Variants in COBL observed in about 807,000 individuals in gnomAD.
COBL encodes cordon-bleu WH2 repeat protein, also known as protein cordon-bleu.
A neutral mutation model predicts 98.8 loss-of-function variants in COBL; 51 were observed. The ratio of observed to expected loss-of-function variants is 0.52; its 90% confidence interval spans 0.41 to 0.65. The LOEUF (loss-of-function observed/expected upper bound fraction) is 0.65, where lower values mean the gene tolerates loss of function less well. Among genes scored for constraint, COBL ranks in the 30% least tolerant of loss-of-function variants. The probability of loss-of-function intolerance (pLI) is 0.00; values close to 1 mark genes in which losing one functional copy is unlikely to be tolerated. For missense variants in COBL, 1,617 were observed against 1,617.5 expected (o/e 1.00, Z 0.01); for synonymous variants, 634 against 651.7 (o/e 0.97, Z 0.41).
chr7:51,147,358 T>G (rs1202840911), intron 5 of COBL, among the ~76,000 whole-genome samples: 1 of 152,206 alleles, frequency 6.6e-6, no homozygotes, highest in Non-Finnish European at 1.5e-5. Flanking sequence ...AATTTAATTT[T>G]CTCAGCAAGG....
chr7:51,310,513 T>C (rs890315698), intron 1 of COBL, among the ~76,000 whole-genome samples: 1 of 152,096 alleles, frequency 6.6e-6, no homozygotes, highest in Non-Finnish European at 1.5e-5. Context: ...TGGAGAGAGG[T>C]GGGAGCATCT....
At chr7:51,103,765 A>G (rs1029157461) in intron 6 of COBL, among the ~76,000 whole-genome samples, 1 of 152,362 alleles carries the variant, frequency 6.6e-6, no homozygotes, top group African/African-American at 2.4e-5. Flanking sequence ...TTCACTAACT[A>G]AAGTATAAAG....
rs542325631 is a variant in COBL at position 51,275,860 on chromosome 7, T to C, written c.41+40733A>G. ...GTTTCCACAGCCTGATTAGGGGCTG[T>C]AGGCCTCTCTCTCCCCTGCTTGTTT... On this transcript the variant is annotated intron_variant, in intron 1 of 12. Transcript: ENST00000265136. 4.4e-4 allele frequency among the ~76,000 whole-genome samples: 67 copies of C among 152,358 alleles called. 2 individuals carry two copies. In the South Asian group the frequency reaches 0.013, roughly 31 times the overall value.
At position 51,193,411 on chromosome 7, in the gene COBL, T is replaced by G. The variant is rs781623832; in HGVS notation, c.424A>C (p.Lys142Gln). Residue 142 changes from lysine (K) to glutamine (Q), a missense_variant, in exon 3 of 13, where the codon AAG becomes CAG. Lys to Gln is a moderately conservative substitution (Grantham distance 53). Coordinates refer to ENST00000265136, the MANE Select transcript of COBL (RefSeq NM_015198.5). ...VFLKEKVPEE[K>Q]VKPGPPKVPE... Reference sequence around the variant, plus strand: ...ACCTTAGGGGGACCAGGCTTAACCTTCTCTTCAGGAACTTTTTCTTTCAGA... The same window carrying G: ...ACCTTAGGGGGACCAGGCTTAACCTGCTCTTCAGGAACTTTTTCTTTCAGA... 6.2e-7 allele frequency: 1 copy of G among 1,614,158 alleles called. No individual in the cohort carries two copies. Among genetic ancestry groups the G allele is most frequent in the Admixed American group, 1.7e-5 (1 of 60,020 alleles).
In COBL at chr7:51,136,204, G is replaced by A. The variant is rs1799222432; in HGVS notation, c.911C>T (p.Pro304Leu). 5 of 1,613,136 alleles carry A rather than the reference G, an allele frequency of 3.1e-6. No individual in the cohort carries two copies. The highest frequency in any genetic ancestry group is 3.4e-6 in the Non-Finnish European group (4 of 1,180,032). ...KSEMKKRRAP[P>L]PPGSGPPVQD... ...CACAGGTGGCCCTGAACCTGGAGGA[G>A]GAGGGGCTCGGCGCTTCTTCATCTC... Residue 304 changes from proline to leucine, a missense_variant, in exon 6 of 13, where the codon CCT becomes CTT. Pro to Leu is a moderately conservative substitution (Grantham distance 98). Transcript: ENST00000265136.
Position 51,190,965 on chromosome 7 carries a change from G to A in COBL, c.570C>T (p.Val190=), listed in dbSNP as rs763974314. 5 of 1,614,134 alleles carry A rather than the reference G, an allele frequency of 3.1e-6. No individual in the cohort carries two copies. The highest frequency in any genetic ancestry group is 1.1e-5 in the South Asian group (1 of 91,050). Residue 190 remains valine (V), a synonymous_variant, in exon 4 of 13, where the codon GTC becomes GTT. Coordinates refer to ENST00000265136, the MANE Select transcript of COBL (RefSeq NM_015198.5). ...ILPVICAKCE[V]SPEHVVLLRD... ...TGAGGAGAACCACGTGCTCTGGGCT[G>A]ACCTCACACTTTGCACAAATGACTG... is the stretch of plus-strand genomic sequence containing the variant.
chr7:51,069,830 C>A lies in COBL; in HGVS notation c.1096+15336G>T, dbSNP rs554241908. On this transcript the variant is annotated intron_variant, in intron 7 of 12. Transcript: ENST00000265136. ...GAAAGTATGATAGATACTGACTATT[C>A]CATTTGCGTTTGGGTTTTATGTTTT... Among the ~76,000 whole-genome samples the A allele has an allele frequency of 6.6e-5, 10 of 152,308 alleles. No individual in the cohort carries two copies. The South Asian group carries it at 1.9e-3, about 28-fold the overall frequency.
At chr7:51,190,096 T>C (rs540332929) in intron 4 of COBL, among the ~76,000 whole-genome samples, 1 of 152,364 alleles carries the variant, frequency 6.6e-6, no homozygotes, top group Non-Finnish European at 1.5e-5. Flanking sequence ...TCTCACGCAC[T>C]GTAATTGTTC....
At position 51,104,425 on chromosome 7, in the gene COBL, G is replaced by T. The variant is rs115907865; in HGVS notation, c.958-19121C>A. Among the ~76,000 whole-genome samples the T allele has an allele frequency of 7.1e-3, 1,086 of 152,302 alleles. 13 individuals carry two copies. The highest frequency in any genetic ancestry group is 0.025 in the African/African-American group (1,054 of 41,566). Reference sequence around the variant, plus strand: ...TCACACCCTGGAGCCAGATTGCAGGGCTTAGAGTCTGGTGTCCACCATTAG... The same window carrying T: ...TCACACCCTGGAGCCAGATTGCAGGTCTTAGAGTCTGGTGTCCACCATTAG... On this transcript the variant is annotated intron_variant, in intron 6 of 12. Transcript: ENST00000265136.
chr7:51,092,087 T>C (rs946365204), intron 6 of COBL, among the ~76,000 whole-genome samples: 2 of 152,136 alleles, frequency 1.3e-5, no homozygotes, highest in Non-Finnish European at 2.9e-5. Flanking sequence ...ATCACATGAG[T>C]GGCCACGTTA....
chr7:51,166,311 G>A (rs1787316847), intron 5 of COBL, among the ~76,000 whole-genome samples: 1 of 151,898 alleles, frequency 6.6e-6, no homozygotes, highest in South Asian at 2.1e-4. Context: ...GATCATTGGT[G>A]GCTACTATGA....
chr7:51,183,562 C>T (rs1225810936), intron 5 of COBL, among the ~76,000 whole-genome samples: 1 of 152,042 alleles, frequency 6.6e-6, no homozygotes, highest in Non-Finnish European at 1.5e-5. Context: ...TAAACACCAA[C>T]AAAATCAATA....
chr7:51,201,352 C>T (rs1362151839), intron 2 of COBL, among the ~76,000 whole-genome samples: 4 of 151,790 alleles, frequency 2.6e-5, no homozygotes, highest in Middle Eastern at 3.4e-3. Flanking sequence ...AAGTGACAAA[C>T]GTCATTATAT....
intron 8 of COBL, among the ~76,000 whole-genome samples, chr7:51,039,896 C>T (rs901369778): frequency 3.0e-4 from 45 of 152,198 alleles, no homozygotes; most frequent in African/African-American, 1.1e-3. Context: ...ACTGGCCACA[C>T]TGGGTCTGTA....
intron 1 of COBL, among the ~76,000 whole-genome samples, chr7:51,234,403 T>G (rs573329892): frequency 7.0e-4 from 107 of 152,118 alleles, no homozygotes; most frequent in African/African-American, 2.5e-3. Flanking sequence ...AACACCACCA[T>G]CAAGAGTTCC....
chr7:51,255,203 A>C (rs1203429518), intron 1 of COBL, among the ~76,000 whole-genome samples: 1 of 152,234 alleles, frequency 6.6e-6, no homozygotes, highest in Non-Finnish European at 1.5e-5. Flanking sequence ...TAAGAGAAGA[A>C]TAATCCTAGC....
At chr7:51,047,417 G>A (rs1789821182) in intron 7 of COBL, among the ~76,000 whole-genome samples, 1 of 152,114 alleles carries the variant, frequency 6.6e-6, no homozygotes. Context: ...CTAACTTAGG[G>A]CTACTAGTTC....
intron 1 of COBL, among the ~76,000 whole-genome samples, chr7:51,252,275 T>G (rs560190141): frequency 2.0e-5 from 3 of 152,234 alleles, no homozygotes; most frequent in African/African-American, 7.2e-5. Flanking sequence ...ATGTTTTTCA[T>G]ATATTCACTG....
At chr7:51,193,933 T>C (rs940366116) in intron 2 of COBL, among the ~76,000 whole-genome samples, 8 of 152,206 alleles carry the variant, frequency 5.3e-5, no homozygotes, top group Non-Finnish European at 1.0e-4. Flanking sequence ...TTTTCAGTTA[T>C]TCAGAAATAT....
Sources: allele counts gnomAD v4.1 joint callset (sites outside exome capture counted in the v4.1 genomes callset), GRCh38; gene constraint gnomAD v4.1.1; transcripts MANE v1.5; gene names NCBI Gene and HGNC (gene_info 2026-07-23, HGNC 2026-07-21).